Variants in NUB1 observed in about 807,000 individuals in gnomAD.
The protein encoded by NUB1 is negative regulator of ubiquitin like proteins 1.
Under a neutral mutation model 77.1 loss-of-function variants are expected in NUB1, and 41 were observed. That is an observed-to-expected ratio of 0.53 (90% confidence interval 0.41 to 0.69). The LOEUF (loss-of-function observed/expected upper bound fraction) is 0.69, where lower values mean the gene tolerates loss of function less well. Among genes scored for constraint, NUB1 ranks in the 30% least tolerant of loss-of-function variants. The pLI is 0.00. For synonymous variants in NUB1, 257 were observed against 281.0 expected (o/e 0.91, Z 0.85); for missense variants, 643 against 743.8 (o/e 0.86, Z 1.58).
chr7:151,357,910 G>A (rs10257799), intron 7 of NUB1, among the ~76,000 whole-genome samples: 10,996 of 150,064 alleles, frequency 0.073, 500 homozygotes, highest in African/African-American at 0.12. Flanking sequence ...GCGCCCGGCC[G>A]GATTAAAGTT....
chr7:151,362,999 A>C (rs1018183416), intron 8 of NUB1, among the ~76,000 whole-genome samples: 5 of 152,242 alleles, frequency 3.3e-5, no homozygotes, highest in African/African-American at 1.2e-4. Flanking sequence ...AAAGCTTAAA[A>C]GCTACTCCTG....
chr7:151,375,888 C>T lies in NUB1; in HGVS notation c.1436C>T (p.Ser479Phe). Reference protein sequence around the residue: ...SNPQMWWLNDSNPETDNRQES... With the variant: ...SNPQMWWLNDFNPETDNRQES... ...CCTCAGATGTGGTGGTTAAATGATT[C>T]CAATCCTGAAACCGACAACCGTCAA... Residue 479 changes from serine (S) to phenylalanine (F), a missense_variant, in exon 13 of 15, where the codon TCC (serine) becomes TTC (phenylalanine). Physicochemically the swap from Ser to Phe is radical, Grantham distance 155. Transcript: ENST00000568733. The T allele has an allele frequency of 6.2e-7, 1 of 1,613,324 alleles. No individual in the cohort carries two copies. The highest frequency in any genetic ancestry group is 1.7e-5 in the Admixed American group (1 of 60,030).
At chr7:151,342,694 A>AT (rs966464146) in intron 1 of NUB1, among the ~76,000 whole-genome samples, 37 of 151,696 alleles carry the variant, frequency 2.4e-4, no homozygotes, top group Non-Finnish European at 2.9e-4. Context: ...CAGTGGTTTA[A>AT]TTTTTTTTTA....
At chr7:151,347,864 A>G (rs1796575165) in intron 2 of NUB1, among the ~76,000 whole-genome samples, 1 of 152,238 alleles carries the variant, frequency 6.6e-6, no homozygotes, top group East Asian at 1.9e-4. Flanking sequence ...ATGGTATTAC[A>G]TTATGAATTT....
At position 151,376,800 on chromosome 7, in the gene NUB1, C is replaced by T. The variant is rs1437825195; in HGVS notation, c.1658C>T (p.Ser553Phe). The T allele has an allele frequency of 1.3e-5, 20 of 1,584,706 alleles. No individual in the cohort carries two copies. Among genetic ancestry groups the T allele is most frequent in the African/African-American group, 2.7e-5 (2 of 74,422 alleles). The change falls in exon 14 of 15, where the codon TCT becomes TTT. Residue 553 changes from serine to phenylalanine, a missense_variant. Ser to Phe is a radical substitution (Grantham distance 155). Coordinates refer to ENST00000568733, the MANE Select transcript of NUB1 (RefSeq NM_001243351.2). ...DSLSPPATSP[S>F]DSAGTSSAST... ...TTGTCCCCGCCAGCCACGTCCCCTT[C>T]TGACTCCGCAGGTAGGTCTGAGGTC...
chr7:151,345,882 C>T (rs1306595137), intron 2 of NUB1, among the ~76,000 whole-genome samples: 1 of 152,144 alleles, frequency 6.6e-6, no homozygotes, highest in Non-Finnish European at 1.5e-5. Flanking sequence ...TTGATGCTCT[C>T]ACTATCAGTG....
intron 3 of NUB1, chr7:151,351,212 TGGTGCCAC>T (rs2150670660): frequency 1.8e-6 from 1 of 542,560 alleles, no homozygotes; most frequent in African/African-American, 1.9e-5. Flanking sequence ...CCCTGCCTGG[TGGTGCCAC>T]GCTGCCGCCC....
intron 2 of NUB1, among the ~76,000 whole-genome samples, chr7:151,347,712 G>A (rs1287599448): frequency 6.6e-6 from 1 of 152,202 alleles, no homozygotes; most frequent in Non-Finnish European, 1.5e-5. Flanking sequence ...CTCTCACCTT[G>A]CCTTCCAAAG....
chr7:151,366,004 TAAAG>T (rs1453794676), intron 8 of NUB1, among the ~76,000 whole-genome samples: 2 of 152,122 alleles, frequency 1.3e-5, no homozygotes, highest in African/African-American at 4.8e-5. Flanking sequence ...CCAATGAACA[TAAAG>T]AGAGAAAACC....
rs772841054 is a variant in NUB1, at chr7:151,352,879, C to T, written c.412C>T (p.Leu138=). ...KIVINKKQLQ[L]GKTLEEQGVA... is the part of the protein sequence containing the mutation. The stretch of plus-strand genomic sequence containing the variant: ...TGTCATAAATAAGAAGCAACTACAA[C>T]TAGGTATGTATGGCAAAGTATGCAT... The change falls in exon 5 of 15, where the codon CTA becomes TTA. Residue 138 remains leucine (L), a synonymous_variant. Coordinates refer to ENST00000568733, the MANE Select transcript of NUB1 (RefSeq NM_001243351.2). 2 of 1,518,964 alleles carry T rather than the reference C, an allele frequency of 1.3e-6. No individual in the cohort carries two copies. The highest frequency in any genetic ancestry group is 1.4e-5 in the African/African-American group (1 of 72,594). The allele number at this position is 1,518,964 out of a possible 1,614,324, so 94.1% of individuals were successfully genotyped here.
At chr7:151,363,864 G>T (rs1286990888) in intron 8 of NUB1, among the ~76,000 whole-genome samples, 1 of 151,728 alleles carries the variant, frequency 6.6e-6, no homozygotes, top group Non-Finnish European at 1.5e-5. Flanking sequence ...TGCAATCTCC[G>T]CCCACTGTAA....
At chr7:151,357,234 C>T (rs1387923761) in intron 7 of NUB1, among the ~76,000 whole-genome samples, 1 of 151,322 alleles carries the variant, frequency 6.6e-6, no homozygotes, top group Non-Finnish European at 1.5e-5. Flanking sequence ...TGCCATTCTC[C>T]TGCTTCAGCC....
chr7:151,356,073 A>G (rs906850616), intron 6 of NUB1, 55 bp from the exon 7 acceptor site: 27 of 1,557,856 alleles, frequency 1.7e-5, no homozygotes, highest in East Asian at 2.2e-5. Context: ...TAAGGCTGTC[A>G]TCATCATAAC....
intron 12 of NUB1, 185 bp downstream of exon 12, chr7:151,374,428 C>G (rs1798112727): frequency 1.3e-6 from 1 of 762,708 alleles, no homozygotes; most frequent in Non-Finnish European, 2.2e-6. Flanking sequence ...ACGTGAGGCC[C>G]CATGCTCAGT....
chr7:151,355,407 C>T (rs1797019470), intron 5 of NUB1, among the ~76,000 whole-genome samples: 4 of 152,138 alleles, frequency 2.6e-5, no homozygotes, highest in Admixed American at 2.6e-4. Flanking sequence ...AGGAGCAAGG[C>T]CTGATGTCTG....
intron 2 of NUB1, among the ~76,000 whole-genome samples, chr7:151,345,761 C>T (rs1348922041): frequency 2.0e-5 from 3 of 152,122 alleles, no homozygotes; most frequent in African/African-American, 7.2e-5. Flanking sequence ...GTATTGGTGC[C>T]AGTAAGTAAT....
In NUB1 at chr7:151,377,048, A is replaced by C. The variant is rs758879339; in HGVS notation, c.1671A>C (p.Gly557=). Residue 557 remains glycine, a splice_region_variant and synonymous_variant, in exon 15 of 15, where the codon GGA becomes GGC. Transcript: ENST00000568733. ...TACTCCTGCGGTATTTTATTGTAGGAACCTCTAGTGCCTCAACAGACGAAG... is the reference window on the plus strand; with the variant it reads ...TACTCCTGCGGTATTTTATTGTAGGCACCTCTAGTGCCTCAACAGACGAAG... ...PPATSPSDSA[G]TSSASTDEDM... 2.7e-5 allele frequency: 42 copies of C among 1,545,482 alleles called. No homozygotes were observed. The highest frequency in any genetic ancestry group is 3.7e-5 in the Non-Finnish European group (42 of 1,147,592).
rs745390870 is a variant in NUB1, at chr7:151,377,075, C to T, written c.1698C>T (p.Asp566=). The change falls in exon 15 of 15, where the codon GAC becomes GAT. Residue 566 remains aspartate, a synonymous_variant. Coordinates refer to ENST00000568733, the MANE Select transcript of NUB1 (RefSeq NM_001243351.2). ...AGTSSASTDE[D]METEAVNEIL... ...CCTCTAGTGCCTCAACAGACGAAGA[C>T]ATGGAGACAGAGGCCGTCAATGAGA... 3.8e-6 allele frequency: 6 copies of T among 1,572,104 alleles called. No individual in the cohort carries two copies. In the African/African-American group the frequency reaches 8.2e-5, roughly 21 times the overall value.
At chr7:151,346,071 A>G (rs140305826) in intron 2 of NUB1, among the ~76,000 whole-genome samples, 1 of 152,332 alleles carries the variant, frequency 6.6e-6, no homozygotes, top group East Asian at 1.9e-4. Context: ...CCTAGCATGT[A>G]CTTCTCTGCT....
Sources: allele counts gnomAD v4.1 joint callset (sites outside exome capture counted in the v4.1 genomes callset), GRCh38; gene constraint gnomAD v4.1.1; transcripts MANE v1.5; gene names NCBI Gene and HGNC (gene_info 2026-07-23, HGNC 2026-07-21).